PAK3: variants seen among roughly 807,000 people sequenced by gnomAD.
The protein encoded by PAK3 is serine/threonine-protein kinase PAK 3.
In PAK3, 4 loss-of-function variants were observed where a neutral mutation model predicts 41.0. That is an observed-to-expected ratio of 0.10 (90% confidence interval 0.05 to 0.22). PAK3 has a LOEUF of 0.22. Ranked by LOEUF, PAK3 falls within the 10% of genes least tolerant of loss-of-function variation. PAK3 has a pLI of 1.00. For synonymous variants in PAK3, 146 were observed against 139.6 expected (o/e 1.05, Z -0.32); for missense variants, 205 against 409.9 (o/e 0.50, Z 4.32).
At chrX:110,967,051 G>A (rs1220153066) in intron 1 of PAK3, among the ~76,000 whole-genome samples, 1 of 112,040 alleles carries the variant, frequency 8.9e-6, no homozygotes, top group Non-Finnish European at 1.9e-5. Flanking sequence ...GAGCTTTGAG[G>A]CACATGCTCA....
At chrX:111,075,826 GC>G (rs1198080722) in intron 1 of PAK3, among the ~76,000 whole-genome samples, 1 of 112,836 alleles carries the variant, frequency 8.9e-6, no homozygotes, top group Non-Finnish European at 1.9e-5. Flanking sequence ...TCTGCATCTA[GC>G]AAAGCCACAG....
chrX:111,019,358 C>T (rs767859701), intron 1 of PAK3, among the ~76,000 whole-genome samples: 14 of 109,329 alleles, frequency 1.3e-4, no homozygotes, highest in African/African-American at 4.7e-4. Flanking sequence ...GGATTGATAT[C>T]CAGAATTGTA....
intron 1 of PAK3, among the ~76,000 whole-genome samples, chrX:110,992,588 A>G (rs1008604686): frequency 1.2e-4 from 13 of 110,023 alleles, no homozygotes; most frequent in African/African-American, 4.0e-4. Context: ...AGGGCGACAC[A>G]GAGAGGAATT....
intron 1 of PAK3, among the ~76,000 whole-genome samples, chrX:110,954,175 C>T (rs2090803760): frequency 1.8e-5 from 2 of 111,830 alleles, no homozygotes; most frequent in African/African-American, 6.5e-5. Flanking sequence ...CCCACTATTT[C>T]CTTCTGCGCC....
At chrX:111,151,655 GT>G (rs1212913523) in intron 7 of PAK3, among the ~76,000 whole-genome samples, 5 of 111,723 alleles carry the variant, frequency 4.5e-5, no homozygotes, top group Non-Finnish European at 9.4e-5. Flanking sequence ...TGTATATCAT[GT>G]TTTTTTTCTA....
chrX:111,010,637 T>C (rs1456880691), intron 1 of PAK3, among the ~76,000 whole-genome samples: 3 of 110,967 alleles, frequency 2.7e-5, no homozygotes, highest in African/African-American at 3.3e-5. Context: ...CCTGACTCTC[T>C]TGCTCCCTCT....
intron 1 of PAK3, among the ~76,000 whole-genome samples, chrX:111,013,039 G>A (rs776195085): frequency 8.9e-6 from 1 of 112,264 alleles, no homozygotes; most frequent in South Asian, 3.7e-4. Flanking sequence ...CAAAGTCTTG[G>A]GATTACAGGC....
At chrX:111,147,181 C>G (rs772386948) in intron 6 of PAK3, among the ~76,000 whole-genome samples, 2 of 111,334 alleles carry the variant, frequency 1.8e-5, no homozygotes, top group African/African-American at 3.3e-5. Flanking sequence ...ATTTTTGTCT[C>G]CTACCAACCT....
At chrX:111,137,489 T>A (rs985437323) in intron 5 of PAK3, among the ~76,000 whole-genome samples, 1 of 110,681 alleles carries the variant, frequency 9.0e-6, no homozygotes, top group Admixed American at 9.6e-5. Flanking sequence ...ATGAAAATGA[T>A]GTACAGTGAA....
chrX:110,994,144 T>A (rs978308964), intron 1 of PAK3, among the ~76,000 whole-genome samples: 1 of 112,359 alleles, frequency 8.9e-6, no homozygotes, highest in African/African-American at 3.2e-5. Flanking sequence ...GTATTACATG[T>A]TGAATTGTCT....
At chrX:111,032,280 A>T (rs1468223341) in intron 1 of PAK3, among the ~76,000 whole-genome samples, 2 of 111,938 alleles carry the variant, frequency 1.8e-5, no homozygotes, top group Non-Finnish European at 3.8e-5. Flanking sequence ...CAAGCTTGCA[A>T]ACATTTAGAT....
At chrX:111,164,127 A>G (rs979888885) in intron 10 of PAK3, among the ~76,000 whole-genome samples, 1 of 111,347 alleles carries the variant, frequency 9.0e-6, no homozygotes, top group African/African-American at 3.3e-5. Context: ...ACAACAAATA[A>G]TATAGCTTTT....
At chrX:111,067,076 C>T (rs1425115528) in intron 1 of PAK3, among the ~76,000 whole-genome samples, 1 of 111,808 alleles carries the variant, frequency 8.9e-6, no homozygotes, top group Non-Finnish European at 1.9e-5. Context: ...TTGACTACCT[C>T]AGATTTTTAT....
At chrX:111,035,160 A>G (rs7061485) in intron 1 of PAK3, among the ~76,000 whole-genome samples, 3,451 of 12,960 alleles carry the variant, frequency 0.27, 213 homozygotes, top group Middle Eastern at 0.5. Flanking sequence ...AGAAAGGAAG[A>G]AAGAAAGAAA....
intron 6 of PAK3, 136 bp from the exon 7 acceptor site, chrX:111,147,601 T>G (rs2093965056): frequency 1.9e-6 from 1 of 538,911 alleles, no homozygotes; most frequent in South Asian, 2.5e-5. Flanking sequence ...TAACTTTAAA[T>G]CTAGAATGTA....
chrX:111,201,829 T>A (rs1431581103), intron 16 of PAK3, among the ~76,000 whole-genome samples: 2 of 110,451 alleles, frequency 1.8e-5, no homozygotes, highest in African/African-American at 3.3e-5. Context: ...AGGAAAAAAA[T>A]ATATATGTAT....
chrX:111,116,325 G>C (rs1011904178), intron 4 of PAK3, among the ~76,000 whole-genome samples: 3 of 110,694 alleles, frequency 2.7e-5, no homozygotes, highest in Admixed American at 1.9e-4. Context: ...ATTCTTTATG[G>C]ATCTTATTTT....
At chrX:111,193,176 G>C (rs1458585223) in intron 13 of PAK3, among the ~76,000 whole-genome samples, 1 of 111,027 alleles carries the variant, frequency 9.0e-6, no homozygotes, top group Non-Finnish European at 1.9e-5. Flanking sequence ...TTCAAAAAGA[G>C]TTTGTTTAGT....
intron 1 of PAK3, among the ~76,000 whole-genome samples, chrX:111,088,311 G>A (rs187409721): frequency 9.2e-4 from 103 of 111,777 alleles, no homozygotes; most frequent in African/African-American, 3.2e-3. Context: ...GACTAAATAC[G>A]TTGTCCAAGG....
Sources: gnomAD v4.1 joint callset for allele counts (sites outside exome capture counted in the v4.1 genomes callset) on GRCh38, gnomAD v4.1.1 for gene constraint, MANE v1.5 for transcripts, NCBI Gene and HGNC (gene_info 2026-07-23, HGNC 2026-07-21) for gene names.